RANBP9: variants seen among roughly 807,000 people sequenced by gnomAD.
RANBP9 encodes RAN binding protein 9.
In RANBP9, 15 loss-of-function variants were observed where a neutral mutation model predicts 84.3. The ratio of observed to expected loss-of-function variants is 0.18; its 90% CI spans 0.12 to 0.27. The LOEUF (loss-of-function observed/expected upper bound fraction) is 0.27, where lower values mean the gene tolerates loss of function less well. Among genes scored for constraint, RANBP9 ranks in the 10% least tolerant of loss-of-function variants. The pLI is 1.00. For missense variants in RANBP9, 809 were observed against 912.8 expected, an observed-to-expected ratio of 0.89 and a Z score of 1.46; for synonymous variants, 392 against 349.6, an observed-to-expected ratio of 1.12 and a Z score of -1.35.
At chr6:13,639,224 G>A (rs1765007635) in intron 9 of RANBP9, among the ~76,000 whole-genome samples, 1 of 152,184 alleles carries the variant, frequency 6.6e-6, no homozygotes, top group Non-Finnish European at 1.5e-5. Context: ...TGTCACCCAG[G>A]CTGGAGTGCA....
At position 13,686,106 on chromosome 6, in the gene RANBP9, C is replaced by A. The variant is rs1397309858; in HGVS notation, c.683+10679G>T. Among the ~76,000 whole-genome samples the A allele has an allele frequency of 6.2e-3, 13 of 2,086 alleles. 2 individuals are homozygous for A. Among genetic ancestry groups the A allele is most frequent in the Non-Finnish European group, 6.5e-3 (8 of 1,230 alleles). The allele number at this position is 2,086 out of a possible 152,430, so 1.4% of individuals were successfully genotyped here. On this transcript the variant is annotated intron_variant, in intron 2 of 13. Transcript: ENST00000011619. ...CTGAATTTCCAAAATTTCTTCCCCC[C>A]CCCCCCCCCGCCCCCCGAAATAGAG...
chr6:13,703,728 T>C (rs1254761571), intron 1 of RANBP9, among the ~76,000 whole-genome samples: 1 of 152,136 alleles, frequency 6.6e-6, no homozygotes, highest in Non-Finnish European at 1.5e-5. Flanking sequence ...AACCAGAAAC[T>C]AGTGATTGGA....
At position 13,677,235 on chromosome 6, in the gene RANBP9, A is replaced by T. The variant is rs748709430; in HGVS notation, c.684-18403T>A. Among the ~76,000 whole-genome samples, 80 of 152,302 alleles carry T rather than the reference A, an allele frequency of 5.3e-4. 1 individual carries two copies. The Middle Eastern group carries it at 0.01, about 19-fold the overall frequency. On this transcript the variant is annotated intron_variant, in intron 2 of 13. Transcript: ENST00000011619. ...AGCAATGAACTGGAATTTTAAACAC[A>T]CAATACCACTTATATTAGCACCAAC...
intron 2 of RANBP9, among the ~76,000 whole-genome samples, chr6:13,665,525 A>AT (rs1765625375): frequency 6.6e-6 from 1 of 152,196 alleles, no homozygotes; most frequent in Non-Finnish European, 1.5e-5. Context: ...AGGAACTTTC[A>AT]TATGTTTTTG....
intron 2 of RANBP9, among the ~76,000 whole-genome samples, chr6:13,675,874 GATT>G (rs1346389293): frequency 6.6e-6 from 1 of 151,788 alleles, no homozygotes; most frequent in Non-Finnish European, 1.5e-5. Flanking sequence ...CCACAAATTT[GATT>G]ATTTAGATGA....
intron 2 of RANBP9, among the ~76,000 whole-genome samples, chr6:13,664,189 A>G (rs1386219879): frequency 6.6e-6 from 1 of 152,180 alleles, no homozygotes; most frequent in Non-Finnish European, 1.5e-5. Context: ...CAAAGTTAAT[A>G]TACAAAGTCC....
At chr6:13,675,207 A>AT (rs1765861881) in intron 2 of RANBP9, among the ~76,000 whole-genome samples, 5 of 152,240 alleles carry the variant, frequency 3.3e-5, no homozygotes, top group Admixed American at 2.6e-4. Context: ...CAATAACCGC[A>AT]TAATACATAT....
At chr6:13,635,388 A>G (rs1369144623) in intron 10 of RANBP9, among the ~76,000 whole-genome samples, 2 of 152,180 alleles carry the variant, frequency 1.3e-5, no homozygotes, top group Non-Finnish European at 2.9e-5. Context: ...TATCCTATGG[A>G]AGCCTAGGTA....
At chr6:13,668,931 C>T (rs1227547915) in intron 2 of RANBP9, among the ~76,000 whole-genome samples, 4 of 151,956 alleles carry the variant, frequency 2.6e-5, no homozygotes, top group Non-Finnish European at 5.9e-5. Context: ...GATCAGAAAG[C>T]AAGAAATAAG....
intron 2 of RANBP9, among the ~76,000 whole-genome samples, chr6:13,669,721 T>C (rs1045910563): frequency 2.6e-5 from 4 of 152,160 alleles, no homozygotes; most frequent in Non-Finnish European, 4.4e-5. Flanking sequence ...CCCGAGTAGC[T>C]GGGACTACAG....
At chr6:13,664,462 C>CT (rs937369937) in intron 2 of RANBP9, among the ~76,000 whole-genome samples, 6 of 151,014 alleles carry the variant, frequency 4.0e-5, no homozygotes, top group East Asian at 1.9e-4. Flanking sequence ...ATAGGCTTTT[C>CT]TTTTTTTTTA....
chr6:13,682,242 C>T (rs750958175), intron 2 of RANBP9, among the ~76,000 whole-genome samples: 2 of 151,856 alleles, frequency 1.3e-5, no homozygotes, highest in African/African-American at 4.8e-5. Flanking sequence ...AAATCAGTCC[C>T]TAAGAATGGA....
rs529246018 is a variant in RANBP9 at position 13,658,848 on chromosome 6, G to A, written c.684-16C>T. ...TCCCATGTAACTGTTGGCGGAGGTT[G>A]GGGGAGAGAAGAAAAGGACATTATT... On this transcript the variant is annotated splice_polypyrimidine_tract_variant and intron_variant, in intron 2 of 13. Coordinates refer to ENST00000011619, the MANE Select transcript of RANBP9 (RefSeq NM_005493.3). 2.6e-6 allele frequency: 4 copies of A among 1,552,546 alleles called. No individual in the cohort carries two copies. The highest frequency in any genetic ancestry group is 3.4e-4 in the Middle Eastern group (2 of 5,948).
intron 1 of RANBP9, among the ~76,000 whole-genome samples, chr6:13,709,879 G>A (rs1486228271): frequency 3.9e-5 from 6 of 152,194 alleles, no homozygotes; most frequent in Non-Finnish European, 1.5e-5. Flanking sequence ...GATCTGAGTA[G>A]ACCCCTTTAC....
intron 3 of RANBP9, among the ~76,000 whole-genome samples, chr6:13,657,875 GTAA>G (rs765753971): frequency 1.3e-5 from 2 of 152,160 alleles, no homozygotes; most frequent in Non-Finnish European, 2.9e-5. Context: ...GCATGTCAAG[GTAA>G]CATATGTGAT....
At chr6:13,684,492 T>G (rs1488818095) in intron 2 of RANBP9, among the ~76,000 whole-genome samples, 1 of 152,212 alleles carries the variant, frequency 6.6e-6, no homozygotes, top group African/African-American at 2.4e-5. Flanking sequence ...ACCTAACCTA[T>G]AGTTTCCCAT....
intron 4 of RANBP9, among the ~76,000 whole-genome samples, chr6:13,655,425 T>C (rs1765376265): frequency 6.6e-6 from 1 of 152,074 alleles, no homozygotes; most frequent in Non-Finnish European, 1.5e-5. Flanking sequence ...CGAGATCACA[T>C]CACTGTACTC....
chr6:13,651,214 AC>A (rs1765288011), intron 5 of RANBP9, among the ~76,000 whole-genome samples: 1 of 152,066 alleles, frequency 6.6e-6, no homozygotes, highest in African/African-American at 2.4e-5. Context: ...CCTTGGTGTC[AC>A]AGATGATGCA....
intron 2 of RANBP9, among the ~76,000 whole-genome samples, chr6:13,678,389 T>C (rs1462941818): frequency 1.3e-5 from 2 of 152,244 alleles, no homozygotes; most frequent in Admixed American, 6.5e-5. Flanking sequence ...TATTTTATTA[T>C]GTTTTGGCTT....
Sources: allele counts gnomAD v4.1 joint callset (sites outside exome capture counted in the v4.1 genomes callset), GRCh38; gene constraint gnomAD v4.1.1; transcripts MANE v1.5; gene names NCBI Gene and HGNC (gene_info 2026-07-23, HGNC 2026-07-21).